The following ATIC variants were observed in gnomAD, a reference collection of about 807,000 sequenced individuals.
ATIC encodes the protein 5-aminoimidazole-4-carboxamide ribonucleotide formyltransferase/IMP cyclohydrolase, also known as bifunctional purine biosynthesis protein ATIC.
A neutral mutation model predicts 72.5 loss-of-function variants in ATIC; 64 were observed. The ratio of observed to expected loss-of-function variants is 0.88; its 90% confidence interval spans 0.72 to 1.09. ATIC has a LOEUF of 1.09. ATIC is among the 50% of genes least tolerant of loss of function. The probability of loss-of-function intolerance (pLI) is 0.00; values close to 1 mark genes in which losing one functional copy is unlikely to be tolerated. For synonymous variants in ATIC, 281 were observed against 267.1 expected (o/e 1.05, Z -0.51); for missense variants, 787 against 732.4 (o/e 1.07, Z -0.86).
chr2:215,317,169 G>A (rs991708985), intron 2 of ATIC, among the ~76,000 whole-genome samples: 3 of 152,196 alleles, frequency 2.0e-5, no homozygotes, highest in African/African-American at 7.2e-5. Flanking sequence ...TCTGCTTTGT[G>A]ATATGGATTA....
At chr2:215,349,877 C>G, downstream of ATIC, 1 of 736,826 alleles carries the variant, frequency 1.4e-6, no homozygotes, top group Non-Finnish European at 2.2e-6. Context: ...TACCGGAGCT[C>G]AGCCCATCCC....
At chr2:215,364,211 T>G in the ATIC span, among the ~76,000 whole-genome samples, 1 of 152,244 alleles carries the variant, frequency 6.6e-6, no homozygotes, top group Admixed American at 6.5e-5. Flanking sequence ...CTGTTTTTCC[T>G]ATACTACTTA....
the ATIC span, chr2:215,361,259 C>CT: frequency 2.8e-6 from 1 of 360,420 alleles, no homozygotes; most frequent in South Asian, 3.3e-5. Context: ...GCTGCATATG[C>CT]TTTCCTATTG....
rs111270197 is a variant in ATIC at position 215,312,420 on chromosome 2, C to T, written c.20-78C>T. On this transcript the variant is annotated intron_variant, in intron 1 of 15. Transcript: ENST00000236959. ...TGGCCTTGCGATTCGAGAATCTCCTCCCCCAGACCCTCCCAAGGCCTTGCA... is the reference window on the plus strand; with the variant it reads ...TGGCCTTGCGATTCGAGAATCTCCTTCCCCAGACCCTCCCAAGGCCTTGCA... The T allele has an allele frequency of 1.0e-3, 1,625 of 1,609,840 alleles. 15 individuals carry two copies. The African/African-American group carries it at 0.018, about 18-fold the overall frequency.
chr2:215,333,413 A>G lies in ATIC; in HGVS notation c.878A>G (p.Tyr293Cys), dbSNP rs1559274308. ...EAKVCMVYDLYKTLTPISAAY... is the reference protein window; with the variant it reads ...EAKVCMVYDLCKTLTPISAAY... ...AAAGTCTGCATGGTTTATGATCTCT[A>G]TAAAACCCTCACACCCATCTCAGCG... The change falls in exon 9 of 16, where the codon TAT becomes TGT. Residue 293 changes from tyrosine to cysteine, a missense_variant. By Grantham distance (194) the Tyr-to-Cys change is radical. Coordinates refer to ENST00000236959, the MANE Select transcript of ATIC (RefSeq NM_004044.7). 5 of 1,614,176 alleles carry G rather than the reference A, an allele frequency of 3.1e-6. No individual in the cohort carries two copies. Among genetic ancestry groups the G allele is most frequent in the East Asian group, 2.2e-5 (1 of 44,882 alleles).
At chr2:215,368,037 A>G in the ATIC span, 1 of 1,614,038 alleles carries the variant, frequency 6.2e-7, no homozygotes, top group Non-Finnish European at 8.5e-7. Flanking sequence ...ACTATGAAGA[A>G]AAGGAAGAAA....
the ATIC span, among the ~76,000 whole-genome samples, chr2:215,359,597 G>A: frequency 6.6e-6 from 1 of 152,218 alleles, no homozygotes; most frequent in Admixed American, 6.5e-5. Flanking sequence ...AAGTCCAGGG[G>A]CTGGGTCTGT....
chr2:215,345,252 C>T (rs73089330), intron 13 of ATIC: 5,780 of 319,946 alleles, frequency 0.018, 321 homozygotes, highest in African/African-American at 0.12. Flanking sequence ...TTGCAGCCTG[C>T]AGGGTATTTT....
In ATIC at chr2:215,349,705, C is replaced by T. The variant is rs372850993; in HGVS notation, c.*50C>T. The stretch of plus-strand genomic sequence containing the variant: ...TTGCTTATGTGTAGGTGAACAGTCA[C>T]GCCTGAAACTTTGAGGATAACTTTT... On this transcript the variant is annotated 3_prime_UTR_variant, in exon 16 of 16. Transcript: ENST00000236959. 5.3e-5 allele frequency: 85 copies of T among 1,613,652 alleles called. No individual in the cohort carries two copies. Among genetic ancestry groups the T allele is most frequent in the Non-Finnish European group, 6.6e-5 (78 of 1,179,738 alleles).
chr2:215,346,150 T>TTTTA (rs35409099), intron 13 of ATIC, among the ~76,000 whole-genome samples: 39,586 of 151,118 alleles, frequency 0.26, 5,934 homozygotes, highest in South Asian at 0.47. Flanking sequence ...TGGTCATTAG[T>TTTTA]TTTATTTATT....
chr2:215,351,007 G>A (rs2053126585), downstream of ATIC, among the ~76,000 whole-genome samples: 1 of 152,178 alleles, frequency 6.6e-6, no homozygotes, highest in Non-Finnish European at 1.5e-5. Context: ...TTGAAACAAG[G>A]CTGACTTGTG....
intron 13 of ATIC, 108 bp downstream of exon 13, chr2:215,344,979 A>T (rs542656368): frequency 8.4e-7 from 1 of 1,195,618 alleles, no homozygotes; most frequent in Non-Finnish European, 1.2e-6. Context: ...ATATTTGCCA[A>T]ATGTTTGTCT....
chr2:215,327,112 C>T, intron 7 of ATIC, 134 bp downstream of exon 7: 1 of 1,423,932 alleles, frequency 7.0e-7, no homozygotes, highest in Non-Finnish European at 9.8e-7. Flanking sequence ...TGATAACCAT[C>T]TGGTTTGAGA....
rs2052907731 is a variant in ATIC, at chr2:215,332,564, A to G, written c.814+57A>G. 1.9e-6 allele frequency: 3 copies of G among 1,594,964 alleles called. 1 individual carries two copies. Among genetic ancestry groups the G allele is most frequent in the Admixed American group, 3.5e-5 (2 of 56,692 alleles). On this transcript the variant is annotated intron_variant, in intron 8 of 15. Coordinates refer to ENST00000236959, the MANE Select transcript of ATIC (RefSeq NM_004044.7). ...TTGTTCGAAAGGCATTTCTTCTTAA[A>G]TTTTTTTGAATATTAACAAGTTCTA...
At chr2:215,365,452 A>C in the ATIC span, 6 of 1,576,568 alleles carry the variant, frequency 3.8e-6, no homozygotes, top group Admixed American at 1.0e-4. Context: ...ACAGCCTGAT[A>C]ATGAAAGTGA....
intron 2 of ATIC, among the ~76,000 whole-genome samples, chr2:215,316,415 T>C (rs1322467763): frequency 2.0e-5 from 3 of 152,164 alleles, no homozygotes; most frequent in East Asian, 3.9e-4. Context: ...AAATTCCGTA[T>C]CTTACTGGCA....
chr2:215,364,921 A>G, the ATIC span: 11 of 1,575,102 alleles, frequency 7.0e-6, no homozygotes, highest in African/African-American at 6.7e-5. Context: ...TGGCACCGAG[A>G]TATTCCTTCT....
At position 215,312,413 on chromosome 2, in the gene ATIC, A is replaced by AT. The variant is rs368736250; in HGVS notation, c.20-84dup. 113 of 1,608,664 alleles carry AT rather than the reference A, an allele frequency of 7.0e-5. 1 individual carries two copies. In the African/African-American group the frequency reaches 1.2e-3, roughly 17 times the overall value. ...CAGGTGCTGGCCTTGCGATTCGAGAATCTCCTCCCCCAGACCCTCCCAAGG... is the reference window on the plus strand; with the variant it reads ...CAGGTGCTGGCCTTGCGATTCGAGAATTCTCCTCCCCCAGACCCTCCCAAGG... On this transcript the variant is annotated intron_variant, in intron 1 of 15. Transcript: ENST00000236959.
intron 4 of ATIC, 190 bp from the exon 5 acceptor site, chr2:215,325,051 C>T (rs1343994903): frequency 2.2e-5 from 12 of 551,832 alleles, no homozygotes; most frequent in East Asian, 1.9e-4. Flanking sequence ...TACCTCTGCT[C>T]GACCCCAGCA....
Sources: gnomAD v4.1 joint callset for allele counts (sites outside exome capture counted in the v4.1 genomes callset) on GRCh38, gnomAD v4.1.1 for gene constraint, MANE v1.5 for transcripts, NCBI Gene and HGNC (gene_info 2026-07-23, HGNC 2026-07-21) for gene names.